The following AKAP11 variants were observed in gnomAD, a reference collection of about 807,000 sequenced individuals.
AKAP11 encodes A-kinase anchor protein 11.
In AKAP11, 36 loss-of-function variants were observed where a neutral mutation model predicts 146.1. That is an observed-to-expected ratio of 0.25 (90% CI 0.19 to 0.33). AKAP11 has a LOEUF of 0.33. AKAP11 is among the 10% of genes least tolerant of loss of function. The probability of loss-of-function intolerance (pLI) is 1.00; values close to 1 mark genes in which losing one functional copy is unlikely to be tolerated. For missense variants in AKAP11, 2,201 were observed against 2,197.0 expected (o/e 1.00, Z -0.04); for synonymous variants, 780 against 786.5 (o/e 0.99, Z 0.14).
chr13:42,314,728 T>A (rs561568164), intron 11 of AKAP11, among the ~76,000 whole-genome samples: 36 of 152,258 alleles, frequency 2.4e-4, no homozygotes, highest in African/African-American at 8.4e-4. Flanking sequence ...CTAAATTAAT[T>A]ATTCTTCCCT....
intron 8 of AKAP11, among the ~76,000 whole-genome samples, chr13:42,305,834 T>C (rs1415855443): frequency 6.6e-6 from 1 of 152,130 alleles, no homozygotes; most frequent in Non-Finnish European, 1.5e-5. Flanking sequence ...TCTGCATGGC[T>C]GGGAAAGCCT....
chr13:42,292,361 A>T (rs565011953), intron 3 of AKAP11, 24 bp from the exon 4 acceptor site: 1 of 1,399,982 alleles, frequency 7.1e-7, no homozygotes, highest in African/African-American at 1.4e-5. Flanking sequence ...AATTTGAAAT[A>T]TCTTTGCTTT....
At chr13:42,312,214 T>C (rs1338524263) in intron 9 of AKAP11, among the ~76,000 whole-genome samples, 1 of 152,204 alleles carries the variant, frequency 6.6e-6, no homozygotes, top group Non-Finnish European at 1.5e-5. Context: ...TTAAATTGCA[T>C]GCTGAGGGTT....
chr13:42,295,925 TA>T (rs769109257), intron 5 of AKAP11, among the ~76,000 whole-genome samples, 183 bp downstream of exon 5: 34 of 152,202 alleles, frequency 2.2e-4, no homozygotes, highest in Non-Finnish European at 4.3e-4. Context: ...ATTTTGACCT[TA>T]ACAGTAAAAA....
At chr13:42,280,253 T>C (rs1320560539) in intron 1 of AKAP11, among the ~76,000 whole-genome samples, 4 of 152,206 alleles carry the variant, frequency 2.6e-5, no homozygotes, top group Non-Finnish European at 5.9e-5. Context: ...TGTCTGATGT[T>C]TAAAACCAAT....
chr13:42,298,442 TTC>T, intron 6 of AKAP11, 89 bp from the exon 7 acceptor site: 4 of 1,370,842 alleles, frequency 2.9e-6, no homozygotes, highest in Non-Finnish European at 4.0e-6. Flanking sequence ...GTTTGTTTTT[TTC>T]TCTGAGATTG....
At chr13:42,312,708 A>G (rs753075025) in intron 9 of AKAP11, among the ~76,000 whole-genome samples, 6 of 152,208 alleles carry the variant, frequency 3.9e-5, no homozygotes, top group Admixed American at 6.5e-5. Context: ...TTCACAAATT[A>G]TAGTTCAAGA....
chr13:42,317,747 A>G, intron 12 of AKAP11, 59 bp downstream of exon 12: 1 of 1,548,926 alleles, frequency 6.5e-7, no homozygotes, highest in Non-Finnish European at 8.7e-7. Flanking sequence ...TGTTCTTGTC[A>G]TGTGATTGGT....
chr13:42,288,507 C>T (rs1458790568), intron 3 of AKAP11, among the ~76,000 whole-genome samples: 1 of 152,206 alleles, frequency 6.6e-6, no homozygotes, highest in East Asian at 1.9e-4. Context: ...CCAGGAATAA[C>T]AACATCTTCC....
chr13:42,303,178 G>A lies in AKAP11; in HGVS notation c.4432G>A (p.Val1478Ile), dbSNP rs534334927. Reference protein sequence around the residue: ...DAKEELTASLVGLPKSLTDSC... With the variant: ...DAKEELTASLIGLPKSLTDSC... ...TAAGGAAGAGTTGACAGCCTCTCTA[G>A]TTGGCCTACCAAAATCCTTAACAGA... is the stretch of plus-strand genomic sequence containing the variant. Residue 1478 changes from valine to isoleucine, a missense_variant, in exon 8 of 13, where the codon GTT (valine) becomes ATT (isoleucine). This residue lies in a region of AKAP11 where 1,867 missense variants were observed against 1,833.5 expected (regional missense o/e 1.02). Coordinates refer to ENST00000025301, the MANE Select transcript of AKAP11 (RefSeq NM_016248.4). 33 of 1,614,178 alleles carry A rather than the reference G, an allele frequency of 2.0e-5. No homozygotes were observed. In the East Asian group the frequency reaches 7.1e-4, roughly 35 times the overall value.
At chr13:42,312,875 A>G (rs186972506) in intron 9 of AKAP11, among the ~76,000 whole-genome samples, 172 bp from the exon 10 acceptor site, 4 of 152,354 alleles carry the variant, frequency 2.6e-5, no homozygotes, top group Admixed American at 2.6e-4. Flanking sequence ...TGAACTTGTC[A>G]GGCACCTTTT....
At chr13:42,285,134 G>A (rs1188607823) in intron 1 of AKAP11, among the ~76,000 whole-genome samples, 1 of 152,174 alleles carries the variant, frequency 6.6e-6, no homozygotes, top group East Asian at 1.9e-4. Context: ...GTTTGTTTTT[G>A]CGTATAAATC....
chr13:42,301,002 GGTGACAAAACCA>G lies in AKAP11; in HGVS notation c.2260_2271del (p.Thr754_Val757del), dbSNP rs1385898790. 3.1e-6 allele frequency: 5 copies of G among 1,614,038 alleles called. No individual in the cohort carries two copies. Among genetic ancestry groups the G allele is most frequent in the Non-Finnish European group, 4.2e-6 (5 of 1,179,916 alleles). ...CTTCTTTTCACAATCAAGCAATTAT[GGTGACAAAACCA>G]GTGCAGGAATATAAAAAGGAATACA... On this transcript the variant is annotated inframe_deletion, in exon 8 of 13. Transcript: ENST00000025301.
chr13:42,272,654 C>G (rs976479982), intron 1 of AKAP11, among the ~76,000 whole-genome samples: 1 of 152,152 alleles, frequency 6.6e-6, no homozygotes, highest in Non-Finnish European at 1.5e-5. Flanking sequence ...GTTGGGAGGA[C>G]GTTGCACTTT....
chr13:42,292,464 A>G lies in AKAP11; in HGVS notation c.131A>G (p.Asp44Gly). 1 of 1,588,846 alleles carries G rather than the reference A, an allele frequency of 6.3e-7. No homozygotes were observed. The highest frequency in any genetic ancestry group is 1.2e-5 in the South Asian group (1 of 86,646). ...QKELCSVTAEDCLQQDEHANL... is the reference protein window; with the variant it reads ...QKELCSVTAEGCLQQDEHANL... The stretch of plus-strand genomic sequence containing the variant: ...GAACTATGCAGTGTAACAGCAGAGG[A>G]CTGTTTACAGCAGGATGAGCATGCC... The change falls in exon 4 of 13, where the codon GAC (aspartate) becomes GGC (glycine). Residue 44 changes from aspartate to glycine, a missense_variant. By Grantham distance (94) the Asp-to-Gly change is moderately conservative. Transcript: ENST00000025301.
intron 2 of AKAP11, 34 bp from the exon 3 acceptor site, chr13:42,286,266 C>A: frequency 1.2e-6 from 1 of 823,432 alleles, no homozygotes; most frequent in South Asian, 2.2e-5. Flanking sequence ...TTGTTAAGAT[C>A]AATAAATAAG....
intron 1 of AKAP11, among the ~76,000 whole-genome samples, chr13:42,280,917 T>G (rs1467323238): frequency 6.6e-6 from 1 of 152,194 alleles, no homozygotes; most frequent in Non-Finnish European, 1.5e-5. Context: ...GAAGACCAGT[T>G]TCCAGCTTGG....
In AKAP11 at chr13:42,319,121, G is replaced by A; in HGVS notation, c.5599G>A (p.Val1867Met). ...SKQLQEKGWK[V>M]GDLLQAVLQY... ...ACAATTACAAGAGAAAGGATGGAAA[G>A]TGGGAGACCTCCTGCAGGCTGTGCT... is the stretch of plus-strand genomic sequence containing the variant. Residue 1867 changes from valine to methionine, a missense_variant, in exon 13 of 13, where the codon GTG becomes ATG. By Grantham distance (21) the Val-to-Met change is conservative (BLOSUM62 1). Transcript: ENST00000025301. 1 of 1,614,058 alleles carries A rather than the reference G, an allele frequency of 6.2e-7. No individual in the cohort carries two copies. The highest frequency in any genetic ancestry group is 1.3e-5 in the African/African-American group (1 of 75,064).
At chr13:42,295,599 A>T in intron 4 of AKAP11, 96 bp from the exon 5 acceptor site, 3 of 1,182,494 alleles carry the variant, frequency 2.5e-6, no homozygotes, top group South Asian at 1.3e-5. Flanking sequence ...ACAGCATTTT[A>T]ATGCTTTGTC....
Sources: gnomAD v4.1 joint callset for allele counts (sites outside exome capture counted in the v4.1 genomes callset) on GRCh38, gnomAD v4.1.1 for gene constraint, gnomAD v4.1.1 regional missense constraint, MANE v1.5 for transcripts, NCBI Gene and HGNC (gene_info 2026-07-23, HGNC 2026-07-21) for gene names.